The following NUP188 variants were observed in gnomAD, a reference collection of about 807,000 sequenced individuals.
NUP188 encodes nucleoporin 188.
Under a neutral mutation model 223.0 loss-of-function variants are expected in NUP188, and 97 were observed. That is an observed-to-expected ratio of 0.43 (90% confidence interval 0.37 to 0.51). The LOEUF (loss-of-function observed/expected upper bound fraction) is 0.51, where lower values mean the gene tolerates loss of function less well. NUP188 is among the 20% of genes least tolerant of loss of function. NUP188 has a pLI of 0.00. For synonymous variants in NUP188, 869 were observed against 828.0 expected (o/e 1.05, Z -0.85); for missense variants, 1,947 against 2,175.6 (o/e 0.89, Z 2.09).
intron 34 of NUP188, among the ~76,000 whole-genome samples, chr9:129,000,394 C>G (rs149187019): frequency 1.3e-5 from 2 of 152,180 alleles, no homozygotes; most frequent in Non-Finnish European, 2.9e-5. Flanking sequence ...TCTTGGCTCA[C>G]TGCAAGCTCT....
intron 19 of NUP188, among the ~76,000 whole-genome samples, chr9:128,984,427 A>C (rs532718046): frequency 2.0e-4 from 31 of 152,280 alleles, no homozygotes; most frequent in Middle Eastern, 6.8e-3. Context: ...TGCCCGGCCG[A>C]GAGCAAGAGA....
At chr9:128,955,637 TC>T (rs1841858218) in intron 3 of NUP188, among the ~76,000 whole-genome samples, 1 of 151,632 alleles carries the variant, frequency 6.6e-6, no homozygotes, top group Non-Finnish European at 1.5e-5. Flanking sequence ...TTTCTTTTTT[TC>T]TTTTCTTTTT....
rs775766063 is a variant in NUP188, at chr9:128,981,288, T to G, written c.1414T>G (p.Ser472Ala). 1.9e-6 allele frequency: 3 copies of G among 1,614,028 alleles called. No individual in the cohort carries two copies. The South Asian group carries it at 3.3e-5, about 18-fold the overall frequency. ...KKVYSFLDKM[S>A]FYNELYKHKP... ...GGTGTATAGCTTCTTGGATAAGATG[T>G]CTTTCTACAATGAACTTTATAAACA... The change falls in exon 15 of 44, where the codon TCT becomes GCT. Residue 472 changes from serine to alanine, a missense_variant. Ser to Ala is a moderately conservative substitution (Grantham distance 99). Transcript: ENST00000372577.
chr9:128,960,275 G>A (rs1045021667), intron 8 of NUP188, among the ~76,000 whole-genome samples: 1 of 150,620 alleles, frequency 6.6e-6, no homozygotes, highest in Non-Finnish European at 1.5e-5. Flanking sequence ...TTTTAGTAGA[G>A]ACAGGGTTTC....
intron 8 of NUP188, among the ~76,000 whole-genome samples, chr9:128,959,527 C>CTTT (rs1303364478): frequency 1.9e-4 from 23 of 123,884 alleles, no homozygotes; most frequent in Admixed American, 2.5e-4. Flanking sequence ...TACAGATTAT[C>CTTT]TTTTTTTTTT....
At chr9:128,994,573 T>TCCC in intron 28 of NUP188, 131 bp downstream of exon 28, 1 of 746,644 alleles carries the variant, frequency 1.3e-6, no homozygotes, top group Non-Finnish European at 2.3e-6. Flanking sequence ...ACTAGAAACG[T>TCCC]CTTTCTCAGG....
chr9:128,948,027 T>G, intron 1 of NUP188: 1 of 345,398 alleles, frequency 2.9e-6, no homozygotes, highest in Non-Finnish European at 5.2e-6. Flanking sequence ...TCCTCCTCTC[T>G]CACCTCCGAC....
chr9:128,974,847 C>T (rs1407798039), intron 12 of NUP188, among the ~76,000 whole-genome samples: 2 of 151,774 alleles, frequency 1.3e-5, no homozygotes, highest in Non-Finnish European at 2.9e-5. Context: ...CAACCTGCAC[C>T]CCCTGGGCTT....
chr9:128,975,905 T>G (rs1401922682), intron 12 of NUP188, among the ~76,000 whole-genome samples: 1 of 152,008 alleles, frequency 6.6e-6, no homozygotes, highest in African/African-American at 2.4e-5. Flanking sequence ...CGCTGCAAAC[T>G]CTTGTCTCCT....
rs368866832 is a variant in NUP188, at chr9:128,999,325, G to T, written c.3661+8G>T. 9.3e-6 allele frequency: 15 copies of T among 1,613,004 alleles called. No individual in the cohort carries two copies. In the African/African-American group the frequency reaches 2.0e-4, roughly 22 times the overall value. On this transcript the variant is annotated splice_region_variant and intron_variant, in intron 33 of 43. Coordinates refer to ENST00000372577, the MANE Select transcript of NUP188 (RefSeq NM_015354.3). ...AAATGAAGGAGATGAAAGGTGAGGG[G>T]CAGAGGCAGGGGGAGCAGCAGCTGC...
At chr9:128,990,306 C>T in intron 25 of NUP188, 80 bp downstream of exon 25, 1 of 1,109,390 alleles carries the variant, frequency 9.0e-7, no homozygotes, top group Non-Finnish European at 1.4e-6. Context: ...ATGCTCAGGC[C>T]ACGTGCAGCG....
chr9:128,972,098 G>A (rs1287578793), intron 11 of NUP188, among the ~76,000 whole-genome samples: 2 of 152,190 alleles, frequency 1.3e-5, no homozygotes, highest in Non-Finnish European at 2.9e-5. Context: ...TCCTTGGTTG[G>A]TACGCATTTG....
intron 15 of NUP188, 113 bp downstream of exon 15, chr9:128,981,503 C>G: frequency 9.0e-7 from 1 of 1,110,566 alleles, no homozygotes; most frequent in South Asian, 1.5e-5. Context: ...GCCTCAAATT[C>G]TTGGGCTCAA....
Position 128,999,753 on chromosome 9 carries a change from G to C in NUP188, c.3791G>C (p.Ser1264Thr), listed in dbSNP as rs767429786. Reference sequence around the variant, plus strand: ...GGCAGTGCCACAGAGGACAAGGACAGCATGGAGACTGACGACTGTTCTCGG... The same window carrying C: ...GGCAGTGCCACAGAGGACAAGGACACCATGGAGACTGACGACTGTTCTCGG... ...ALGSATEDKDSMETDDCSRSR... is the reference protein window; with the variant it reads ...ALGSATEDKDTMETDDCSRSR... Residue 1264 changes from serine to threonine, a missense_variant, in exon 34 of 44, where the codon AGC becomes ACC. Coordinates refer to ENST00000372577, the MANE Select transcript of NUP188 (RefSeq NM_015354.3). 8.1e-6 allele frequency: 13 copies of C among 1,614,124 alleles called. No homozygotes were observed. Among genetic ancestry groups the C allele is most frequent in the Non-Finnish European group, 1.1e-5 (13 of 1,180,058 alleles).
chr9:128,983,251 A>G (rs1564559640), intron 17 of NUP188, 42 bp from the exon 18 acceptor site: 2 of 1,548,116 alleles, frequency 1.3e-6, no homozygotes, highest in Non-Finnish European at 1.8e-6. Flanking sequence ...AACCAGTTGT[A>G]TTATTTGCTT....
intron 12 of NUP188, among the ~76,000 whole-genome samples, chr9:128,974,768 T>A (rs976296921): frequency 6.6e-6 from 1 of 151,000 alleles, no homozygotes; most frequent in Non-Finnish European, 1.5e-5. Context: ...CAGAAAACAT[T>A]GTCTCTTTTT....
intron 8 of NUP188, among the ~76,000 whole-genome samples, chr9:128,962,356 C>T (rs1003104091): frequency 6.6e-6 from 1 of 151,200 alleles, no homozygotes; most frequent in Non-Finnish European, 1.5e-5. Flanking sequence ...TCACGCCGTT[C>T]TCCTGCCTCA....
rs151064889 is a variant in NUP188 at position 128,985,805 on chromosome 9, C to T, written c.2077-753C>T. The stretch of plus-strand genomic sequence containing the variant: ...ATCCCAGCACTTTGGGAGGCCGAGG[C>T]GGATGGATCACCTGAGGCTGATCAG... On this transcript the variant is annotated intron_variant, in intron 20 of 43. Coordinates refer to ENST00000372577, the MANE Select transcript of NUP188 (RefSeq NM_015354.3). Among the ~76,000 whole-genome samples, 146 of 152,254 alleles carry T rather than the reference C, an allele frequency of 9.6e-4. 1 individual carries two copies. In the East Asian group the frequency reaches 0.021, roughly 22 times the overall value.
At chr9:128,990,319 T>C in intron 25 of NUP188, 93 bp downstream of exon 25, 5 of 970,388 alleles carry the variant, frequency 5.2e-6, no homozygotes, top group Middle Eastern at 2.2e-4. Flanking sequence ...GTGCAGCGGC[T>C]TAACGCCTGT....
Sources: gnomAD v4.1 joint callset for allele counts (sites outside exome capture counted in the v4.1 genomes callset) on GRCh38, gnomAD v4.1.1 for gene constraint, MANE v1.5 for transcripts, NCBI Gene and HGNC (gene_info 2026-07-23, HGNC 2026-07-21) for gene names.